Variants in SH3GL2 observed in about 807,000 individuals in gnomAD.
SH3GL2 encodes the protein endophilin-A1.
Under a neutral mutation model 46.0 loss-of-function variants are expected in SH3GL2, and 24 were observed. The observed-to-expected ratio is 0.52, with a 90% CI of 0.38 to 0.73. The LOEUF (loss-of-function observed/expected upper bound fraction) is 0.73. Among genes scored for constraint, SH3GL2 ranks in the 30% least tolerant of loss-of-function variants. The pLI is 0.00. For synonymous variants in SH3GL2, 196 were observed against 147.1 expected, an observed-to-expected ratio of 1.33 and a Z score of -2.40; for missense variants, 413 against 424.2, an observed-to-expected ratio of 0.97 and a Z score of 0.23.
At chr9:17,720,709 T>C (rs1394688643) in intron 1 of SH3GL2, among the ~76,000 whole-genome samples, 1 of 152,098 alleles carries the variant, frequency 6.6e-6, no homozygotes, top group Non-Finnish European at 1.5e-5. Context: ...AAATAAGATA[T>C]AAGGAAACGT....
intron 6 of SH3GL2, chr9:17,789,805 T>C (rs1588339287): frequency 1.0e-6 from 1 of 973,140 alleles, no homozygotes; most frequent in Non-Finnish European, 1.2e-6. Flanking sequence ...CCTTAACTTA[T>C]GATGGGGTTA....
At chr9:17,754,620 C>G (rs971211942) in intron 2 of SH3GL2, among the ~76,000 whole-genome samples, 3 of 152,108 alleles carry the variant, frequency 2.0e-5, no homozygotes, top group Admixed American at 6.6e-5. Flanking sequence ...TTGCAGTGAG[C>G]CGAGATCACG....
chr9:17,753,911 C>T (rs923528652), intron 2 of SH3GL2, among the ~76,000 whole-genome samples: 2 of 152,152 alleles, frequency 1.3e-5, no homozygotes, highest in African/African-American at 2.4e-5. Context: ...GCCAGTTATC[C>T]TAGCACCATT....
intron 1 of SH3GL2, among the ~76,000 whole-genome samples, chr9:17,594,703 C>G (rs76807817): frequency 1.9e-3 from 294 of 152,090 alleles, no homozygotes; most frequent in African/African-American, 6.1e-3. Flanking sequence ...GCTCGGCTCA[C>G]TGCTATACAG....
rs1824271478 is a variant in SH3GL2, at chr9:17,796,197, G to A, written c.*454G>A. The A allele has an allele frequency of 6.4e-6, 1 of 155,966 alleles. No individual in the cohort carries two copies. Among genetic ancestry groups the A allele is most frequent in the Admixed American group, 6.3e-5 (1 of 15,782 alleles). The allele number at this position is 155,966 out of a possible 1,614,324, so 9.7% of individuals were successfully genotyped here. A position where few individuals can be genotyped will look rare whatever the true frequency, so the allele number is the denominator to read the frequency against. On this transcript the variant is annotated 3_prime_UTR_variant, in exon 9 of 9. Transcript: ENST00000380607. ...ATATGTGAGTCATGGAATTGTCAAAGTAAGCCTTCCCTCACCAGCAAATTG... is the reference window on the plus strand; with the variant it reads ...ATATGTGAGTCATGGAATTGTCAAAATAAGCCTTCCCTCACCAGCAAATTG...
chr9:17,754,180 A>G (rs1822925320), intron 2 of SH3GL2, among the ~76,000 whole-genome samples: 1 of 152,140 alleles, frequency 6.6e-6, no homozygotes, highest in Admixed American at 6.5e-5. Context: ...CTGTTTCCAT[A>G]TGAATTTTAA....
chr9:17,606,138 G>C (rs993989426), intron 1 of SH3GL2, among the ~76,000 whole-genome samples: 9 of 152,034 alleles, frequency 5.9e-5, no homozygotes, highest in African/African-American at 2.2e-4. Flanking sequence ...TGTTGCCCAG[G>C]CTGGAGTGCA....
chr9:17,675,684 C>T (rs1401725300), intron 1 of SH3GL2, among the ~76,000 whole-genome samples: 3 of 152,210 alleles, frequency 2.0e-5, no homozygotes, highest in African/African-American at 4.8e-5. Context: ...CAGTGGCTCA[C>T]GCCTGTAATC....
rs557287085 is a variant in SH3GL2 at position 17,599,890 on chromosome 9, T to C, written c.45+20603T>C. On this transcript the variant is annotated intron_variant, in intron 1 of 8. Coordinates refer to ENST00000380607, the MANE Select transcript of SH3GL2 (RefSeq NM_003026.5). ...ATATAAACGGTGAATATATACCTATTGATAATAAACCCATCCAGGAAACGG... is the reference window on the plus strand; with the variant it reads ...ATATAAACGGTGAATATATACCTATCGATAATAAACCCATCCAGGAAACGG... Among the ~76,000 whole-genome samples, 6 of 152,320 alleles carry C rather than the reference T, an allele frequency of 3.9e-5. No individual in the cohort carries two copies. The East Asian group carries it at 1.2e-3, about 29-fold the overall frequency.
rs1781120363 is a variant in SH3GL2, at chr9:17,796,790, A to C, written c.*1047A>C. ...AGATGATTTTTGTGCTTAGCAGTTT[A>C]AGGTATATGGCTGCATATGCAAAAC... On this transcript the variant is annotated 3_prime_UTR_variant, in exon 9 of 9. Coordinates refer to ENST00000380607, the MANE Select transcript of SH3GL2 (RefSeq NM_003026.5). 6.6e-6 allele frequency: 1 copy of C among 152,632 alleles called. No individual in the cohort carries two copies. The highest frequency in any genetic ancestry group is 2.4e-5 in the African/African-American group (1 of 41,438). 9.5% of individuals were successfully genotyped at this position (152,632 alleles called of 1,614,324 possible).
chr9:17,701,222 G>A (rs1460528273), intron 1 of SH3GL2, among the ~76,000 whole-genome samples: 1 of 152,166 alleles, frequency 6.6e-6, no homozygotes, highest in Non-Finnish European at 1.5e-5. Flanking sequence ...AGAGGAATCA[G>A]ACTGACTACA....
rs2117996986 is a variant in SH3GL2 at position 17,675,665 on chromosome 9, G to C, written c.46-71401G>C. Among the ~76,000 whole-genome samples the C allele has an allele frequency of 2.0e-5, 3 of 152,326 alleles. No individual in the cohort carries two copies. In the South Asian group the frequency reaches 6.2e-4, roughly 32 times the overall value. On this transcript the variant is annotated intron_variant, in intron 1 of 8. Coordinates refer to ENST00000380607, the MANE Select transcript of SH3GL2 (RefSeq NM_003026.5). ...TATACTGATAAACATGCTAATGCCA[G>C]GCCGGGTGCAGTGGCTCACGCCTGT...
At chr9:17,584,744 A>G (rs1818341500) in intron 1 of SH3GL2, among the ~76,000 whole-genome samples, 1 of 152,140 alleles carries the variant, frequency 6.6e-6, no homozygotes, top group Non-Finnish European at 1.5e-5. Context: ...TGTAAAACAA[A>G]ATGTTGTTAA....
chr9:17,688,297 G>A (rs912266666), intron 1 of SH3GL2, among the ~76,000 whole-genome samples: 1 of 151,864 alleles, frequency 6.6e-6, no homozygotes. Flanking sequence ...GTTATTTTCT[G>A]TTTACGTAGT....
chr9:17,603,312 A>T (rs1184683677), intron 1 of SH3GL2, among the ~76,000 whole-genome samples: 1 of 152,190 alleles, frequency 6.6e-6, no homozygotes, highest in Non-Finnish European at 1.5e-5. Flanking sequence ...TAAACAAAAT[A>T]TGGTAGATCC....
intron 1 of SH3GL2, among the ~76,000 whole-genome samples, chr9:17,679,838 AG>A (rs1374971537): frequency 6.6e-6 from 1 of 152,178 alleles, no homozygotes; most frequent in Non-Finnish European, 1.5e-5. Flanking sequence ...TTTAGCATGA[AG>A]GGCTGTTGAA....
intron 8 of SH3GL2, 99 bp from the exon 9 acceptor site, chr9:17,795,445 G>A (rs577263038): frequency 1.2e-6 from 1 of 858,552 alleles, no homozygotes; most frequent in South Asian, 1.7e-5. Context: ...GAAAGACGGG[G>A]AGCAGCAAGC....
intron 1 of SH3GL2, among the ~76,000 whole-genome samples, chr9:17,591,494 T>A (rs890824163): frequency 1.3e-5 from 2 of 152,114 alleles, no homozygotes; most frequent in African/African-American, 4.8e-5. Context: ...TTACATAAAT[T>A]GCTTGTCACA....
At chr9:17,632,735 C>CA (rs1431448908) in intron 1 of SH3GL2, among the ~76,000 whole-genome samples, 3 of 152,130 alleles carry the variant, frequency 2.0e-5, no homozygotes, top group African/African-American at 7.2e-5. Flanking sequence ...GCACAAGTGA[C>CA]AGGCAAGCTT....
Sources: allele counts gnomAD v4.1 joint callset (sites outside exome capture counted in the v4.1 genomes callset), GRCh38; gene constraint gnomAD v4.1.1; transcripts MANE v1.5; gene names NCBI Gene and HGNC (gene_info 2026-07-23, HGNC 2026-07-21).